Variants in ANO3 observed in about 807,000 individuals in gnomAD.
ANO3 encodes anoctamin-3.
ANO3 carries 99 observed loss-of-function variants against 144.8 expected under a neutral mutation model. The ratio of observed to expected loss-of-function variants is 0.68; its 90% CI spans 0.58 to 0.81. The LOEUF (loss-of-function observed/expected upper bound fraction) is 0.81, where lower values mean the gene tolerates loss of function less well. ANO3 is among the 30% of genes least tolerant of loss of function. The pLI is 0.00. For missense variants in ANO3, 905 were observed against 1,202.2 expected, an observed-to-expected ratio of 0.75 and a Z score of 3.66; for synonymous variants, 414 against 392.6, an observed-to-expected ratio of 1.05 and a Z score of -0.64.
intron 13 of ANO3, among the ~76,000 whole-genome samples, chr11:26,558,696 C>T (rs1195036675): frequency 6.6e-6 from 1 of 152,114 alleles, no homozygotes; most frequent in African/African-American, 2.4e-5. Context: ...TAGGAAAATA[C>T]ATTTTATGAT....
At chr11:26,474,204 T>G in intron 4 of ANO3, 1 of 574,566 alleles carries the variant, frequency 1.7e-6, no homozygotes. Context: ...GAGAAGCCAA[T>G]TGAGAGAAAT....
intron 1 of ANO3, among the ~76,000 whole-genome samples, chr11:26,273,364 T>C (rs1853488534): frequency 6.6e-6 from 1 of 151,666 alleles, no homozygotes; most frequent in Non-Finnish European, 1.5e-5. Context: ...CAGGGGATCA[T>C]AAGGACCTTT....
intron 1 of ANO3, among the ~76,000 whole-genome samples, chr11:26,341,645 A>G (rs1855362138): frequency 6.6e-6 from 1 of 152,224 alleles, no homozygotes; most frequent in Non-Finnish European, 1.5e-5. Context: ...GAATTGACTC[A>G]CAGGATCACA....
intron 1 of ANO3, among the ~76,000 whole-genome samples, chr11:26,207,505 AATG>A (rs1263775519): frequency 2.6e-5 from 4 of 152,188 alleles, no homozygotes; most frequent in Admixed American, 1.3e-4. Flanking sequence ...CACCTTTAAT[AATG>A]ATAATAATAA....
intron 18 of ANO3, among the ~76,000 whole-genome samples, chr11:26,627,012 C>G (rs1349426644): frequency 6.6e-6 from 1 of 152,042 alleles, no homozygotes; most frequent in Non-Finnish European, 1.5e-5. Flanking sequence ...AATATCAGCT[C>G]TAGAGTGAGA....
intron 1 of ANO3, among the ~76,000 whole-genome samples, chr11:26,349,532 T>C (rs1855581753): frequency 6.6e-6 from 1 of 151,986 alleles, no homozygotes; most frequent in East Asian, 1.9e-4. Context: ...ATGAGAATTG[T>C]TATTGTTTGT....
chr11:26,209,131 G>A (rs1453901295), intron 1 of ANO3, among the ~76,000 whole-genome samples: 2 of 152,074 alleles, frequency 1.3e-5, no homozygotes, highest in African/African-American at 2.4e-5. Flanking sequence ...TTCTCCTAAT[G>A]CTATCCCTCC....
intron 13 of ANO3, chr11:26,558,919 C>T (rs1367851810): frequency 6.6e-6 from 1 of 152,038 alleles, no homozygotes; most frequent in African/African-American, 2.4e-5. Flanking sequence ...TCTATCGTTT[C>T]TATGGAATTT....
At chr11:26,653,082 T>C (rs184574410) in intron 24 of ANO3, among the ~76,000 whole-genome samples, 7 of 152,342 alleles carry the variant, frequency 4.6e-5, no homozygotes, top group Admixed American at 3.9e-4. Flanking sequence ...TATTATCTTC[T>C]GTATTTCTAT....
chr11:26,322,077 A>G (rs1338321469), intron 1 of ANO3, among the ~76,000 whole-genome samples: 2 of 151,994 alleles, frequency 1.3e-5, no homozygotes, highest in Non-Finnish European at 2.9e-5. Flanking sequence ...CCTCTAGATC[A>G]CTCATTTGGT....
intron 4 of ANO3, among the ~76,000 whole-genome samples, chr11:26,483,038 G>A (rs1860288044): frequency 6.6e-6 from 1 of 151,670 alleles, no homozygotes; most frequent in Non-Finnish European, 1.5e-5. Context: ...ACATACTAGT[G>A]CAGGTATTTT....
At chr11:26,644,051 G>C (rs1189057085) in intron 23 of ANO3, among the ~76,000 whole-genome samples, 1 of 152,086 alleles carries the variant, frequency 6.6e-6, no homozygotes, top group African/African-American at 2.4e-5. Flanking sequence ...CCCAGTCTCA[G>C]GTATTTTATT....
chr11:26,380,021 C>T (rs1264987061), intron 1 of ANO3, among the ~76,000 whole-genome samples: 7 of 152,114 alleles, frequency 4.6e-5, no homozygotes, highest in Non-Finnish European at 7.4e-5. Flanking sequence ...TTAGTGTCTA[C>T]AACTTCTGAG....
intron 1 of ANO3, among the ~76,000 whole-genome samples, chr11:26,406,745 G>T (rs1857288151): frequency 7.1e-6 from 1 of 141,646 alleles, no homozygotes; most frequent in Admixed American, 7.3e-5. Flanking sequence ...CATTACCAAT[G>T]ATTTCTAGCA....
chr11:26,619,414 T>C (rs890773632), intron 17 of ANO3, among the ~76,000 whole-genome samples: 1 of 152,182 alleles, frequency 6.6e-6, no homozygotes, highest in Non-Finnish European at 1.5e-5. Flanking sequence ...TTCCTATTTT[T>C]ACTATTCATC....
chr11:26,422,828 T>G (rs1196829364), intron 1 of ANO3, among the ~76,000 whole-genome samples: 3 of 151,986 alleles, frequency 2.0e-5, no homozygotes, highest in African/African-American at 7.2e-5. Flanking sequence ...AGCAAGGATG[T>G]GATGGCATTT....
chr11:26,195,218 G>A (rs565251482), intron 1 of ANO3, among the ~76,000 whole-genome samples: 6 of 152,304 alleles, frequency 3.9e-5, no homozygotes, highest in African/African-American at 1.4e-4. Context: ...TGGTCTTAAT[G>A]AGGTCAGTAA....
intron 1 of ANO3, among the ~76,000 whole-genome samples, chr11:26,405,122 C>T (rs529646889): frequency 1.3e-4 from 20 of 151,682 alleles, no homozygotes; most frequent in Non-Finnish European, 2.8e-4. Context: ...CTCCTCTTCA[C>T]ACTCTATGGG....
At chr11:26,461,125 C>A (rs765797859) in intron 3 of ANO3, among the ~76,000 whole-genome samples, 2 of 151,712 alleles carry the variant, frequency 1.3e-5, no homozygotes, top group South Asian at 4.2e-4. Flanking sequence ...AGCGAGCGAG[C>A]GCGAGAGTGC....
Sources: gnomAD v4.1 joint callset for allele counts (sites outside exome capture counted in the v4.1 genomes callset) on GRCh38, gnomAD v4.1.1 for gene constraint, MANE v1.5 for transcripts, NCBI Gene and HGNC (gene_info 2026-07-23, HGNC 2026-07-21) for gene names.